Variants in KLHDC4 observed in about 807,000 individuals in gnomAD.
KLHDC4 encodes kelch domain-containing protein 4.
Under a neutral mutation model 62.4 loss-of-function variants are expected in KLHDC4, and 90 were observed. That is an observed-to-expected ratio of 1.44 (90% CI 1.22 to 1.72). KLHDC4 has a LOEUF of 1.72. KLHDC4 is among the 40% of genes most tolerant of loss of function. The pLI, the probability that KLHDC4 is intolerant of heterozygous loss-of-function variation, is 0.00. For missense variants in KLHDC4, 1,025 were observed against 699.7 expected, an observed-to-expected ratio of 1.47 and a Z score of -5.25; for synonymous variants, 386 against 284.4, an observed-to-expected ratio of 1.36 and a Z score of -3.59.
chr16:87,734,330 C>A (rs1451812132), intron 5 of KLHDC4, among the ~76,000 whole-genome samples: 1 of 151,684 alleles, frequency 6.6e-6, no homozygotes, highest in African/African-American at 2.4e-5. Context: ...GGCGATAGAG[C>A]AAGACTCCGT....
At chr16:87,709,053 C>T (rs1028829127) in intron 10 of KLHDC4, among the ~76,000 whole-genome samples, 4 of 152,274 alleles carry the variant, frequency 2.6e-5, no homozygotes, top group Non-Finnish European at 5.9e-5. Flanking sequence ...CCGTCAGCAC[C>T]CGGGACAAAG....
At chr16:87,727,074 C>A (rs1597531585) in intron 6 of KLHDC4, 150 bp from the exon 7 acceptor site, 1 of 773,560 alleles carries the variant, frequency 1.3e-6, no homozygotes, top group Non-Finnish European at 2.0e-6. Context: ...ACCAACACAA[C>A]AATCAACACA....
intron 4 of KLHDC4, among the ~76,000 whole-genome samples, chr16:87,754,881 C>T (rs1269911816): frequency 2.0e-5 from 3 of 152,212 alleles, no homozygotes; most frequent in Non-Finnish European, 4.4e-5. Context: ...CTGTCTTCAC[C>T]ATCTAGTCCA....
intron 5 of KLHDC4, among the ~76,000 whole-genome samples, chr16:87,747,191 C>T (rs1267037868): frequency 3.9e-5 from 6 of 152,322 alleles, no homozygotes; most frequent in East Asian, 1.9e-4. Context: ...ACAGAGGCAC[C>T]GGAGCCAACA....
At chr16:87,725,573 T>C (rs1210588050) in intron 7 of KLHDC4, among the ~76,000 whole-genome samples, 1 of 152,162 alleles carries the variant, frequency 6.6e-6, no homozygotes, top group African/African-American at 2.4e-5. Context: ...ATACAAAGGA[T>C]TTTTTAAACC....
chr16:87,700,649 A>AGAGGGAGGAGGGCG (rs1567627186), exon 1 of KLHDC4: 1 of 173,180 alleles, frequency 5.8e-6, no homozygotes, highest in African/African-American at 3.9e-5. Context: ...GCTGGAGGGC[A>AGAGGGAGGAGGGCG]GAGGGAGGAG....
chr16:87,728,335 A>G (rs1390126756), intron 6 of KLHDC4, among the ~76,000 whole-genome samples: 1 of 152,226 alleles, frequency 6.6e-6, no homozygotes, highest in Non-Finnish European at 1.5e-5. Flanking sequence ...GCTACAGACC[A>G]CTGTTTTTTT....
downstream of KLHDC4, among the ~76,000 whole-genome samples, chr16:87,705,348 C>T (rs557225789): frequency 6.6e-6 from 1 of 152,256 alleles, no homozygotes. Context: ...AATCCACCAC[C>T]CTGTGTTGTG....
exon 1 of KLHDC4, chr16:87,699,974 T>A (rs2034062520): frequency 6.6e-6 from 1 of 152,276 alleles, no homozygotes; most frequent in African/African-American, 2.4e-5. Context: ...TTCTTGGTTG[T>A]CCTTTACTCC....
chr16:87,719,162 G>A (rs1046369933), intron 7 of KLHDC4, among the ~76,000 whole-genome samples: 19 of 152,362 alleles, frequency 1.2e-4, no homozygotes, highest in Admixed American at 8.5e-4. Context: ...ACCCCGTCTG[G>A]GAGGAGTACC....
At chr16:87,755,079 T>A (rs1835710260) in intron 4 of KLHDC4, 115 bp downstream of exon 4, 1 of 657,502 alleles carries the variant, frequency 1.5e-6, no homozygotes, top group Non-Finnish European at 2.7e-6. Flanking sequence ...AACCAGGCGA[T>A]CTACAGGGCC....
At chr16:87,732,091 A>G (rs1424150676) in intron 5 of KLHDC4, among the ~76,000 whole-genome samples, 2 of 128,862 alleles carry the variant, frequency 1.6e-5, no homozygotes, top group Admixed American at 1.6e-4. Context: ...ATAAGTGTGC[A>G]TATTTCTTTT....
intron 6 of KLHDC4, chr16:87,729,356 T>C (rs2039934755): frequency 6.6e-6 from 1 of 152,136 alleles, no homozygotes; most frequent in Admixed American, 6.5e-5. Flanking sequence ...TCAATTGCCA[T>C]GCTGGTTCCT....
intron 8 of KLHDC4, among the ~76,000 whole-genome samples, chr16:87,713,641 G>A (rs2036334828): frequency 6.6e-6 from 1 of 152,102 alleles, no homozygotes; most frequent in South Asian, 2.1e-4. Flanking sequence ...GCCACTGGCA[G>A]GAAACGCCGC....
At chr16:87,705,063 G>A (rs1350126314), downstream of KLHDC4, among the ~76,000 whole-genome samples, 3 of 152,212 alleles carry the variant, frequency 2.0e-5, no homozygotes, top group Non-Finnish European at 4.4e-5. Flanking sequence ...TGCAGTCAGG[G>A]GTCTGGGGGC....
chr16:87,751,953 T>C (rs2044038537), intron 4 of KLHDC4, among the ~76,000 whole-genome samples: 1 of 151,220 alleles, frequency 6.6e-6, no homozygotes, highest in South Asian at 2.1e-4. Context: ...CAGGTGCCTG[T>C]AGTCCCAGCT....
In KLHDC4 at chr16:87,708,419, C is replaced by G. The variant is rs2035077430; in HGVS notation, c.1495G>C (p.Glu499Gln). 6.2e-7 allele frequency: 1 copy of G among 1,611,890 alleles called. No individual in the cohort carries two copies. Among genetic ancestry groups the G allele is most frequent in the African/African-American group, 1.3e-5 (1 of 74,890 alleles). Residue 499 changes from glutamate (E) to glutamine (Q), a missense_variant, in exon 11 of 12, where the codon GAG (glutamate) becomes CAG (glutamine). Transcript: ENST00000270583. ...EETDSEEDSE[E>Q]VEGAEGGVDD... ...ACCCCACCCTCGGCGCCCTCAACCT[C>G]CTCACTGTCCTCTTCCGAGTCCGTC...
chr16:87,757,156 C>T (rs1179297394), intron 2 of KLHDC4, among the ~76,000 whole-genome samples: 1 of 151,772 alleles, frequency 6.6e-6, no homozygotes, highest in African/African-American at 2.4e-5. Context: ...TGTCAAATCA[C>T]CTCAAAACCA....
intron 5 of KLHDC4, among the ~76,000 whole-genome samples, chr16:87,741,683 G>A (rs945249750): frequency 5.3e-5 from 8 of 152,072 alleles, no homozygotes; most frequent in South Asian, 2.1e-4. Flanking sequence ...AATATGCATC[G>A]CTGTTAAAAA....
Sources: allele counts gnomAD v4.1 joint callset (sites outside exome capture counted in the v4.1 genomes callset), GRCh38; gene constraint gnomAD v4.1.1; transcripts MANE v1.5; gene names NCBI Gene and HGNC (gene_info 2026-07-23, HGNC 2026-07-21).